Variants in TLN2 observed in about 807,000 individuals in gnomAD.
TLN2 encodes talin 2.
In TLN2, 118 loss-of-function variants were observed where a neutral mutation model predicts 294.7. The observed-to-expected ratio is 0.40, with a 90% confidence interval of 0.34 to 0.47. TLN2 has a LOEUF of 0.47. Among genes scored for constraint, TLN2 ranks in the 20% least tolerant of loss-of-function variants. TLN2 has a pLI of 0.84. For synonymous variants in TLN2, 1,431 were observed against 1,304.5 expected (o/e 1.10, Z -2.09); for missense variants, 3,083 against 3,282.2 (o/e 0.94, Z 1.48).
chr15:62,512,389 C>T (rs1047335218), intron 1 of TLN2, among the ~76,000 whole-genome samples: 1 of 152,136 alleles, frequency 6.6e-6, no homozygotes, highest in Non-Finnish European at 1.5e-5. Context: ...CTTTGTTTAA[C>T]CTTTCCCCCA....
chr15:62,580,402 A>G (rs1178880346), intron 1 of TLN2, among the ~76,000 whole-genome samples: 2 of 132,308 alleles, frequency 1.5e-5, no homozygotes. Context: ...TCCCCTCTCT[A>G]CCTCCCTCCC....
chr15:62,437,472 T>C (rs1382330106), intron 1 of TLN2, among the ~76,000 whole-genome samples: 1 of 152,072 alleles, frequency 6.6e-6, no homozygotes, highest in Non-Finnish European at 1.5e-5. Flanking sequence ...CGTGAACTCC[T>C]GGCCCCAAGC....
At chr15:62,744,920 C>T (rs1046113570) in intron 32 of TLN2, among the ~76,000 whole-genome samples, 1 of 152,150 alleles carries the variant, frequency 6.6e-6, no homozygotes, top group Non-Finnish European at 1.5e-5. Context: ...TCGATTTGCT[C>T]TTTCCTCCTT....
At chr15:62,435,074 G>A (rs2035220843) in intron 1 of TLN2, among the ~76,000 whole-genome samples, 2 of 152,006 alleles carry the variant, frequency 1.3e-5, no homozygotes, top group South Asian at 4.1e-4. Flanking sequence ...CTCCATCCAT[G>A]TCCCTGCAAA....
intron 32 of TLN2, among the ~76,000 whole-genome samples, chr15:62,747,361 T>A (rs371617595): frequency 6.6e-6 from 1 of 152,188 alleles, no homozygotes; most frequent in East Asian, 1.9e-4. Context: ...TTTCTGTTAA[T>A]GTTAACAAAG....
At chr15:62,596,083 G>T (rs544692598) in intron 2 of TLN2, among the ~76,000 whole-genome samples, 1 of 152,064 alleles carries the variant, frequency 6.6e-6, no homozygotes, top group South Asian at 2.1e-4. Context: ...AGACCATGGT[G>T]AAACCCCGTC....
At position 62,748,375 on chromosome 15, in the gene TLN2, A is replaced by G. The variant is rs377488539; in HGVS notation, c.4050A>G (p.Gln1350=). Residue 1350 remains glutamine (Q), a synonymous_variant, in exon 33 of 59, where the codon CAA becomes CAG. Coordinates refer to ENST00000636159, the MANE Select transcript of TLN2 (RefSeq NM_015059.3). ...AARAVTESIN[Q]LITLCTQQAP... ...GAGCTGTGACAGAGAGCATCAATCA[A>G]CTCATCACTCTGTGTACCCAACAAG... 2.5e-6 allele frequency: 4 copies of G among 1,613,040 alleles called. No individual in the cohort carries two copies. The highest frequency in any genetic ancestry group is 2.7e-5 in the African/African-American group (2 of 74,684).
At chr15:62,635,319 C>A (rs149744679) in intron 3 of TLN2, among the ~76,000 whole-genome samples, 39 of 152,062 alleles carry the variant, frequency 2.6e-4, no homozygotes, top group African/African-American at 9.4e-4. Context: ...TTATTGCATC[C>A]TTATTTATGA....
At chr15:62,482,325 A>G (rs112708884) in intron 1 of TLN2, among the ~76,000 whole-genome samples, 6,271 of 152,170 alleles carry the variant, frequency 0.041, 457 homozygotes, top group African/African-American at 0.14. Context: ...TGAATTGGCC[A>G]GGCATGGTGG....
intron 1 of TLN2, among the ~76,000 whole-genome samples, chr15:62,498,169 A>G (rs1418881982): frequency 4.7e-5 from 7 of 149,662 alleles, no homozygotes; most frequent in South Asian, 4.2e-4. Flanking sequence ...AAAAAAAAAA[A>G]AAAAAGAAAA....
intron 30 of TLN2, among the ~76,000 whole-genome samples, 157 bp downstream of exon 30, chr15:62,738,490 T>G (rs1478003741): frequency 6.6e-6 from 1 of 152,230 alleles, no homozygotes; most frequent in Non-Finnish European, 1.5e-5. Context: ...TTTTGCTGTC[T>G]GATCAACAAA....
intron 1 of TLN2, among the ~76,000 whole-genome samples, chr15:62,579,732 G>A (rs994430557): frequency 6.6e-6 from 1 of 152,158 alleles, no homozygotes; most frequent in Non-Finnish European, 1.5e-5. Context: ...CACTGGCAAG[G>A]AAACTCAGGT....
chr15:62,836,138 A>C, intron 57 of TLN2, 65 bp downstream of exon 57: 1 of 1,537,206 alleles, frequency 6.5e-7, no homozygotes, highest in Non-Finnish European at 8.7e-7. Context: ...ACCAGAGGGG[A>C]CAAGCCTCAC....
intron 1 of TLN2, among the ~76,000 whole-genome samples, chr15:62,392,301 G>A (rs2140219258): frequency 6.6e-6 from 1 of 152,356 alleles, no homozygotes; most frequent in Middle Eastern, 3.4e-3. Flanking sequence ...GAAGATGAGA[G>A]AGGAATGAAC....
rs76236918 is a variant in TLN2 at position 62,695,051 on chromosome 15, A to G, written c.1292+659A>G. Among the ~76,000 whole-genome samples the G allele has an allele frequency of 7.0e-3, 1,062 of 152,320 alleles. 11 individuals are homozygous for G. The highest frequency in any genetic ancestry group is 0.024 in the African/African-American group (985 of 41,570). ...CAATGCCTGGCACATAGCACTTGCT[A>G]TTATAACTATCATCCTCATGATCAT... On this transcript the variant is annotated intron_variant, in intron 14 of 58. Transcript: ENST00000636159.
At chr15:62,513,148 T>C (rs2040015869) in intron 1 of TLN2, among the ~76,000 whole-genome samples, 1 of 152,152 alleles carries the variant, frequency 6.6e-6, no homozygotes, top group Non-Finnish European at 1.5e-5. Context: ...GAGCCTCTGG[T>C]CATGCTGAGT....
intron 42 of TLN2, among the ~76,000 whole-genome samples, chr15:62,776,391 T>C (rs1442631092): frequency 6.6e-6 from 1 of 152,204 alleles, no homozygotes; most frequent in Non-Finnish European, 1.5e-5. Context: ...TGAAGAGACG[T>C]ACATTTATTT....
intron 1 of TLN2, among the ~76,000 whole-genome samples, chr15:62,407,636 G>A (rs1010189377): frequency 1.3e-5 from 2 of 152,164 alleles, no homozygotes; most frequent in African/African-American, 4.8e-5. Flanking sequence ...TGCTTACTGG[G>A]CTGGGCGCAA....
chr15:62,647,826 A>G (rs1331889301), intron 4 of TLN2, among the ~76,000 whole-genome samples: 10 of 152,298 alleles, frequency 6.6e-5, no homozygotes, highest in Admixed American at 6.5e-4. Flanking sequence ...TTCCACTGCC[A>G]TTGGAACCCA....
Sources: gnomAD v4.1 joint callset for allele counts (sites outside exome capture counted in the v4.1 genomes callset) on GRCh38, gnomAD v4.1.1 for gene constraint, MANE v1.5 for transcripts, NCBI Gene and HGNC (gene_info 2026-07-23, HGNC 2026-07-21) for gene names.